The following CLDN15 variants were observed in gnomAD, a reference collection of about 807,000 sequenced individuals.
CLDN15 encodes claudin 15.
A neutral mutation model predicts 24.5 loss-of-function variants in CLDN15; 9 were observed. The observed-to-expected ratio is 0.37, with a 90% CI of 0.22 to 0.64. CLDN15 has a LOEUF of 0.64. Ranked by LOEUF, CLDN15 falls within the 30% of genes least tolerant of loss-of-function variation. CLDN15 has a pLI of 0.63. For missense variants in CLDN15, 248 were observed against 305.9 expected (o/e 0.81, Z 1.41); for synonymous variants, 149 against 131.4 (o/e 1.13, Z -0.92).
At chr7:101,234,236 C>G in intron 2 of CLDN15, 42 bp downstream of exon 2, 1 of 1,490,330 alleles carries the variant, frequency 6.7e-7, no homozygotes, top group Non-Finnish European at 9.3e-7. Context: ...CTGAAGTCTG[C>G]GGTTGAGGGG....
intron 2 of CLDN15, chr7:101,234,052 C>G (rs759656095): frequency 1.1e-5 from 8 of 695,666 alleles, no homozygotes; most frequent in Non-Finnish European, 7.9e-6. Flanking sequence ...CCACACCTGG[C>G]CGTGGCCAGC....
rs1486890021 is a variant in CLDN15, at chr7:101,234,316, T to C, written c.344A>G (p.Lys115Arg). 23 of 1,610,720 alleles carry C rather than the reference T, an allele frequency of 1.4e-5. No individual in the cohort carries two copies. Among genetic ancestry groups the C allele is most frequent in the Non-Finnish European group, 1.8e-5 (21 of 1,179,830 alleles). ...IGGLELSRKAKLAATAGALHI... is the reference protein window; with the variant it reads ...IGGLELSRKARLAATAGALHI... ...GAGGGCCCCTGCGGTGGCCGCCAGC[T>C]TGGCTTTCCTGGAGAGCTCCAGGCC... The change falls in exon 2 of 5, where the codon AAG becomes AGG. Residue 115 changes from lysine to arginine, a missense_variant. By Grantham distance (26) the Lys-to-Arg change is conservative (BLOSUM62 2). Coordinates refer to ENST00000308344, the MANE Select transcript of CLDN15 (RefSeq NM_014343.3).
rs1248056104 is a variant in CLDN15 at position 101,237,164 on chromosome 7, C to G, written c.217+201G>C. Among the ~76,000 whole-genome samples, 1 of 151,816 alleles carries G rather than the reference C, an allele frequency of 6.6e-6. No individual in the cohort carries two copies. The highest frequency in any genetic ancestry group is 2.4e-5 in the African/African-American group (1 of 41,068). On this transcript the variant is annotated intron_variant, in intron 1 of 4. Coordinates refer to ENST00000308344, the MANE Select transcript of CLDN15 (RefSeq NM_014343.3). The surrounding 1 kb of genome is among the most constrained non-coding windows in gnomAD (Gnocchi z 4.0). ...ACCTGTAACAGCTAAAAGCGCCACA[C>G]TAGCGCAGGGGGCCACGTGTGGCAA...
At chr7:101,232,748 G>C (rs1486010879) in intron 3 of CLDN15, 28 bp from the exon 4 acceptor site, 1 of 1,588,326 alleles carries the variant, frequency 6.3e-7, no homozygotes. Flanking sequence ...GCGGGGGCGG[G>C]GGACAAGTGA....
chr7:101,236,799 C>T (rs550275045), intron 1 of CLDN15: 174 of 1,291,246 alleles, frequency 1.3e-4, no homozygotes, highest in African/African-American at 1.2e-3. Flanking sequence ...ACTTGCAAGA[C>T]GCCTCCCTTC....
At chr7:101,232,806 C>T in intron 3 of CLDN15, 27 bp downstream of exon 3, 2 of 1,597,136 alleles carry the variant, frequency 1.3e-6, no homozygotes, top group Non-Finnish European at 1.7e-6. Flanking sequence ...GCCCCGAGGG[C>T]GGGGGGTGGG....
intron 2 of CLDN15, 21 bp from the exon 3 acceptor site, chr7:101,232,935 C>G: frequency 1.9e-6 from 3 of 1,581,180 alleles, no homozygotes; most frequent in Non-Finnish European, 2.6e-6. Context: ...GAGGACGACC[C>G]CAGTCCAGTC....
rs1798645786 is a variant in CLDN15 at position 101,237,272 on chromosome 7, C to A, written c.217+93G>T. Reference sequence around the variant, plus strand: ...CAGACCCGCAGAGCTTAATTCAGGGCTCCCTGCATCCTCACGGAAGTACCC... The same window carrying A: ...CAGACCCGCAGAGCTTAATTCAGGGATCCCTGCATCCTCACGGAAGTACCC... On this transcript the variant is annotated intron_variant, in intron 1 of 4. Coordinates refer to ENST00000308344, the MANE Select transcript of CLDN15 (RefSeq NM_014343.3). This position sits in a 1 kb window ranked among gnomAD's most constrained non-coding sequence, Gnocchi z 4.0. 4 of 839,286 alleles carry A rather than the reference C, an allele frequency of 4.8e-6. No individual in the cohort carries two copies. The Admixed American group carries it at 6.1e-5, about 13-fold the overall frequency. 52.0% of individuals were successfully genotyped at this position (839,286 alleles called of 1,614,324 possible). A position where few individuals can be genotyped will look rare whatever the true frequency, so the allele number is the denominator to read the frequency against.
chr7:101,232,850 G>A lies in CLDN15; in HGVS notation c.447C>T (p.Pro149=). ...AFNITRDFFD[P]LYPGTKYELG... The stretch of plus-strand genomic sequence containing the variant: ...TCACTCACTTGGTTCCGGGGTACAA[G>A]GGGTCGAAGAAGTCCCGGGTGATGT... Residue 149 remains proline, a synonymous_variant, in exon 3 of 5, where the codon CCC becomes CCT. Transcript: ENST00000308344. 6.2e-7 allele frequency: 1 copy of A among 1,613,366 alleles called. No homozygotes were observed. Among genetic ancestry groups the A allele is most frequent in the Non-Finnish European group, 8.5e-7 (1 of 1,179,696 alleles).
Position 101,232,913 on chromosome 7 carries a change from A to G in CLDN15, c.384T>C (p.Gly128=). 1 of 1,578,350 alleles carries G rather than the reference A, an allele frequency of 6.3e-7. No homozygotes were observed. Residue 128 remains glycine (G), a splice_region_variant and synonymous_variant, in exon 3 of 5, where the codon GGT becomes GGC. Transcript: ENST00000308344. Reference sequence around the variant, plus strand: ...AGGAGATGGCCACCATCCCGCAGATACCTGGGGACCGGAGGACGACCCCAG... The same window carrying G: ...AGGAGATGGCCACCATCCCGCAGATGCCTGGGGACCGGAGGACGACCCCAG... ...ATAGALHILA[G]ICGMVAISWY...
rs940294447 is a variant in CLDN15, at chr7:101,237,756, C to T, written c.-175G>A. On this transcript the variant is annotated 5_prime_UTR_variant, in exon 1 of 5. Coordinates refer to ENST00000308344, the MANE Select transcript of CLDN15 (RefSeq NM_014343.3). This position sits in a 1 kb window ranked among gnomAD's most constrained non-coding sequence, Gnocchi z 4.0. ...TCAGGTCCGTCTCCACTTTCTGCCT[C>T]CCTCCTGCTCTGTGGGTCTCTCTGC... 3.2e-6 allele frequency: 2 copies of T among 621,384 alleles called. No individual in the cohort carries two copies. Among genetic ancestry groups the T allele is most frequent in the East Asian group, 2.7e-5 (1 of 36,516 alleles). The allele number at this position is 621,384 out of a possible 1,614,324, so 38.5% of individuals were successfully genotyped here. A position where few individuals can be genotyped will look rare whatever the true frequency, so the allele number is the denominator to read the frequency against.
chr7:101,234,490 G>A (rs756256675), intron 1 of CLDN15, 48 bp from the exon 2 acceptor site: 31 of 1,427,578 alleles, frequency 2.2e-5, no homozygotes, highest in Middle Eastern at 1.8e-4. Flanking sequence ...CCTCTGCGAC[G>A]GAGCCAGCCC....
Position 101,232,820 on chromosome 7 carries a change from T to C in CLDN15, c.464+13A>G, listed in dbSNP as rs1798528959. 1 of 1,606,976 alleles carries C rather than the reference T, an allele frequency of 6.2e-7. No individual in the cohort carries two copies. The highest frequency in any genetic ancestry group is 1.3e-5 in the African/African-American group (1 of 74,472). ...TGCCCCGAGGGCGGGGGGTGGGGGG[T>C]TTCCTCACTCACTTGGTTCCGGGGT... On this transcript the variant is annotated intron_variant, in intron 3 of 4. Transcript: ENST00000308344.
rs1484921253 is a variant in CLDN15 at position 101,232,705 on chromosome 7, G to C, written c.480C>G (p.Pro160=). 1 of 1,595,110 alleles carries C rather than the reference G, an allele frequency of 6.3e-7. No homozygotes were observed. The highest frequency in any genetic ancestry group is 2.3e-5 in the East Asian group (1 of 44,130). The change falls in exon 4 of 5, where the codon CCC becomes CCG. Residue 160 remains proline, a synonymous_variant. Coordinates refer to ENST00000308344, the MANE Select transcript of CLDN15 (RefSeq NM_014343.3). ...AGGCGCTCCACCCCAGGTAGAGGGC[G>C]GGGCCCAGCTCGTACCTGCGCACAA... is the stretch of plus-strand genomic sequence containing the variant. ...LYPGTKYELG[P]ALYLGWSASL...
rs898097849 is a variant in CLDN15, at chr7:101,234,554, G to A, written c.218-112C>T. ...TGATTCTCCTGCCTCAGCCTCCCCA[G>A]TAGCTGGGATTACAGACACGCACCA... On this transcript the variant is annotated intron_variant, in intron 1 of 4. Coordinates refer to ENST00000308344, the MANE Select transcript of CLDN15 (RefSeq NM_014343.3). 6.8e-6 allele frequency: 5 copies of A among 730,188 alleles called. No homozygotes were observed. In the Admixed American group the frequency reaches 1.2e-4, roughly 17 times the overall value. 45.2% of individuals were successfully genotyped at this position (730,188 alleles called of 1,614,324 possible).
intron 1 of CLDN15, 67 bp from the exon 2 acceptor site, chr7:101,234,509 C>T: frequency 8.7e-7 from 1 of 1,148,288 alleles, no homozygotes; most frequent in Middle Eastern, 2.0e-4. Context: ...CCAACAGCCC[C>T]TCACCATCCC....
At chr7:101,234,009 G>T (rs540890528) in intron 2 of CLDN15, 12 of 655,068 alleles carry the variant, frequency 1.8e-5, no homozygotes, top group South Asian at 1.4e-4. Flanking sequence ...AGCTCCCGGA[G>T]GCAGCCGCTC....
rs565137623 is a variant in CLDN15, at chr7:101,235,900, G to A, written c.218-1458C>T. ...TCCCTCTCCCAGGACCACCCCAGCC[G>A]TGGAGTCTGAATGCCGGCTCCCCTC... On this transcript the variant is annotated intron_variant, in intron 1 of 4. Coordinates refer to ENST00000308344, the MANE Select transcript of CLDN15 (RefSeq NM_014343.3). Among the ~76,000 whole-genome samples the A allele has an allele frequency of 7.2e-5, 11 of 152,246 alleles. No homozygotes were observed. In the South Asian group the frequency reaches 2.3e-3, roughly 32 times the overall value.
At chr7:101,236,800 G>A (rs1299213567) in intron 1 of CLDN15, 109 of 1,291,092 alleles carry the variant, frequency 8.4e-5, no homozygotes, top group Middle Eastern at 2.1e-4. Context: ...CTTGCAAGAC[G>A]CCTCCCTTCA....
Sources: gnomAD v4.1 joint callset for allele counts (sites outside exome capture counted in the v4.1 genomes callset) on GRCh38, gnomAD v4.1.1 for gene constraint, Gnocchi (gnomAD v3.1) non-coding constraint, MANE v1.5 for transcripts, NCBI Gene and HGNC (gene_info 2026-07-23, HGNC 2026-07-21) for gene names.